The following XRCC4 variants were observed in gnomAD, a reference collection of about 807,000 sequenced individuals.
The protein encoded by XRCC4 is DNA repair protein XRCC4.
A neutral mutation model predicts 39.1 loss-of-function variants in XRCC4; 28 were observed. That is an observed-to-expected ratio of 0.72 (90% confidence interval 0.53 to 0.98). The LOEUF is 0.98. Among genes scored for constraint, XRCC4 ranks in the 50% least tolerant of loss-of-function variants. XRCC4 has a pLI of 0.00. For synonymous variants in XRCC4, 123 were observed against 126.4 expected, an observed-to-expected ratio of 0.97 and a Z score of 0.18; for missense variants, 350 against 376.4, an observed-to-expected ratio of 0.93 and a Z score of 0.58.
intron 7 of XRCC4, among the ~76,000 whole-genome samples, chr5:83,262,615 A>C (rs1435349854): frequency 6.6e-6 from 1 of 152,058 alleles, no homozygotes; most frequent in Non-Finnish European, 1.5e-5. Context: ...TAAATTATTA[A>C]ATTCACAGAG....
At chr5:83,272,598 G>A (rs746727996) in intron 7 of XRCC4, among the ~76,000 whole-genome samples, 1 of 151,782 alleles carries the variant, frequency 6.6e-6, no homozygotes, top group Non-Finnish European at 1.5e-5. Flanking sequence ...CCCACGACAG[G>A]CCACAGTATG....
chr5:83,284,424 G>A (rs1185336967), intron 7 of XRCC4, among the ~76,000 whole-genome samples: 1 of 152,054 alleles, frequency 6.6e-6, no homozygotes, highest in East Asian at 1.9e-4. Flanking sequence ...TAAAAGAATT[G>A]TAATTAAAAC....
chr5:83,263,014 T>C (rs938222822), intron 7 of XRCC4, among the ~76,000 whole-genome samples: 1 of 110,108 alleles, frequency 9.1e-6, no homozygotes, highest in African/African-American at 3.5e-5. Context: ...CCCACCACAG[T>C]CCCCAGAGTG....
At chr5:83,190,872 TTAAC>T (rs1750663304) in intron 3 of XRCC4, among the ~76,000 whole-genome samples, 1 of 152,220 alleles carries the variant, frequency 6.6e-6, no homozygotes, top group Non-Finnish European at 1.5e-5. Context: ...TAAGCAATCT[TTAAC>T]TGTGCCCTTT....
chr5:83,112,866 C>G (rs1425642250), intron 3 of XRCC4, among the ~76,000 whole-genome samples: 4 of 152,186 alleles, frequency 2.6e-5, no homozygotes, highest in Non-Finnish European at 5.9e-5. Flanking sequence ...TCTCATAACA[C>G]TTGGGAATTA....
chr5:83,131,458 G>C (rs904116917), intron 3 of XRCC4, among the ~76,000 whole-genome samples: 5 of 152,144 alleles, frequency 3.3e-5, no homozygotes, highest in African/African-American at 1.2e-4. Context: ...TCATTGATCT[G>C]TCTAATGTTG....
At chr5:83,356,566 T>C (rs2112245898), downstream of XRCC4, among the ~76,000 whole-genome samples, 1 of 152,324 alleles carries the variant, frequency 6.6e-6, no homozygotes, top group Non-Finnish European at 1.5e-5. Flanking sequence ...ATAATAAGCC[T>C]ATAATCTTGG....
At chr5:83,198,479 C>A in intron 4 of XRCC4, among the ~76,000 whole-genome samples, 1 of 152,064 alleles carries the variant, frequency 6.6e-6, no homozygotes, top group Admixed American at 6.6e-5. Flanking sequence ...CAAATATAAA[C>A]AATATCCCAT....
At chr5:83,238,839 T>A (rs1752795338) in intron 6 of XRCC4, among the ~76,000 whole-genome samples, 1 of 152,280 alleles carries the variant, frequency 6.6e-6, no homozygotes, top group South Asian at 2.1e-4. Context: ...AAGAAGAGAT[T>A]TTTTGAAGTG....
chr5:83,079,780 C>T (rs577171872), intron 1 of XRCC4, among the ~76,000 whole-genome samples: 22 of 152,190 alleles, frequency 1.4e-4, no homozygotes, highest in East Asian at 7.7e-4. Flanking sequence ...GTGATCCTCC[C>T]GCCTCGGCCT....
intron 7 of XRCC4, among the ~76,000 whole-genome samples, chr5:83,323,011 A>T (rs188460938): frequency 2.6e-5 from 4 of 152,296 alleles, no homozygotes; most frequent in Non-Finnish European, 5.9e-5. Context: ...TAATTGTTAT[A>T]GTACAGCAAG....
rs2112374204 is a variant in XRCC4, at chr5:83,104,959, C to G, written c.40C>G (p.Pro14Ala). 6.2e-7 allele frequency: 1 copy of G among 1,613,434 alleles called. No individual in the cohort carries two copies. Among genetic ancestry groups the G allele is most frequent in the Non-Finnish European group, 8.5e-7 (1 of 1,179,674 alleles). Reference sequence around the variant, plus strand: ...AAGCAGAATCCACCTTGTTTCTGAACCCAGTATAACTCATTTTCTACAAGT... The same window carrying G: ...AAGCAGAATCCACCTTGTTTCTGAAGCCAGTATAACTCATTTTCTACAAGT... ...KISRIHLVSE[P>A]SITHFLQVSW... is the part of the protein sequence containing the mutation. Residue 14 changes from proline (P) to alanine (A), a missense_variant, in exon 2 of 8, where the codon CCC becomes GCC. By Grantham distance (27) the Pro-to-Ala change is conservative (BLOSUM62 -1). Coordinates refer to ENST00000396027, the MANE Select transcript of XRCC4 (RefSeq NM_003401.5).
chr5:83,247,649 A>G (rs1753158077), intron 6 of XRCC4, among the ~76,000 whole-genome samples: 1 of 152,170 alleles, frequency 6.6e-6, no homozygotes, highest in Non-Finnish European at 1.5e-5. Flanking sequence ...TGTATTCATG[A>G]TATGTTTTAG....
chr5:83,149,954 G>A (rs1394433702), intron 3 of XRCC4, among the ~76,000 whole-genome samples: 1 of 152,058 alleles, frequency 6.6e-6, no homozygotes, highest in Non-Finnish European at 1.5e-5. Flanking sequence ...ATCTAAGTAA[G>A]TGATTACTTA....
At chr5:83,320,042 T>C (rs1756001969) in intron 7 of XRCC4, among the ~76,000 whole-genome samples, 1 of 150,282 alleles carries the variant, frequency 6.7e-6, no homozygotes, top group South Asian at 2.1e-4. Flanking sequence ...TAATGATGAG[T>C]TCATGTCCTT....
intron 3 of XRCC4, among the ~76,000 whole-genome samples, chr5:83,136,436 C>T (rs1027993617): frequency 2.0e-5 from 3 of 152,076 alleles, no homozygotes; most frequent in African/African-American, 4.8e-5. Context: ...AAGAATTATC[C>T]GGGTACTTGT....
At chr5:83,340,848 C>T (rs894034664) in intron 7 of XRCC4, among the ~76,000 whole-genome samples, 4 of 152,296 alleles carry the variant, frequency 2.6e-5, no homozygotes, top group East Asian at 1.9e-4. Flanking sequence ...AAACTATCCC[C>T]CTTGGTCCCA....
chr5:83,186,421 C>T (rs913833161), intron 3 of XRCC4, among the ~76,000 whole-genome samples: 3 of 152,178 alleles, frequency 2.0e-5, no homozygotes, highest in African/African-American at 4.8e-5. Flanking sequence ...CATTCCTAAA[C>T]TTGTGACTAC....
intron 7 of XRCC4, among the ~76,000 whole-genome samples, chr5:83,343,607 C>T (rs764643729): frequency 6.6e-6 from 1 of 152,094 alleles, no homozygotes; most frequent in Non-Finnish European, 1.5e-5. Context: ...TAAACTTGGC[C>T]CTTGGCTTCT....
Sources: allele counts gnomAD v4.1 joint callset (sites outside exome capture counted in the v4.1 genomes callset), GRCh38; gene constraint gnomAD v4.1.1; transcripts MANE v1.5; gene names NCBI Gene and HGNC (gene_info 2026-07-23, HGNC 2026-07-21).